The following TBK1 variants were observed in gnomAD, a reference collection of about 807,000 sequenced individuals.
TBK1 encodes TANK binding kinase 1.
A neutral mutation model predicts 99.9 loss-of-function variants in TBK1; 37 were observed. The observed-to-expected ratio is 0.37, with a 90% CI of 0.28 to 0.49. The LOEUF is 0.49. TBK1 is among the 20% of genes least tolerant of loss of function. The pLI is 0.98. For synonymous variants in TBK1, 258 were observed against 279.8 expected (o/e 0.92, Z 0.78); for missense variants, 644 against 872.5 (o/e 0.74, Z 3.30).
At chr12:64,455,177 G>C (rs1327696606) in intron 1 of TBK1, among the ~76,000 whole-genome samples, 2 of 151,448 alleles carry the variant, frequency 1.3e-5, no homozygotes, top group Non-Finnish European at 2.9e-5. Flanking sequence ...GTGGAGACGG[G>C]GTTTTGCCGT....
At chr12:64,468,493 A>G (rs936172974) in intron 5 of TBK1, among the ~76,000 whole-genome samples, 4 of 143,908 alleles carry the variant, frequency 2.8e-5, no homozygotes, top group Non-Finnish European at 4.6e-5. Context: ...TCCGTCTCAG[A>G]AAAAAAAAAA....
chr12:64,471,136 G>A (rs1192189480), intron 5 of TBK1, among the ~76,000 whole-genome samples: 2 of 152,034 alleles, frequency 1.3e-5, no homozygotes, highest in African/African-American at 4.8e-5. Flanking sequence ...GTATGTTAAA[G>A]TCCAAAGAAA....
intron 5 of TBK1, among the ~76,000 whole-genome samples, chr12:64,473,768 C>A (rs539734497): frequency 6.6e-6 from 1 of 152,072 alleles, no homozygotes; most frequent in Non-Finnish European, 1.5e-5. Context: ...GAAACCCTGT[C>A]TCTACTAAAA....
chr12:64,468,015 C>T lies in TBK1; in HGVS notation c.540+933C>T, dbSNP rs138244056. On this transcript the variant is annotated intron_variant, in intron 5 of 20. Coordinates refer to ENST00000331710, the MANE Select transcript of TBK1 (RefSeq NM_013254.4). ...CCAGTCTGGGCACAATGACAAGACC[C>T]CATCTCTGCAAAAAATTACAAAATT... Among the ~76,000 whole-genome samples, 477 of 151,948 alleles carry T rather than the reference C, an allele frequency of 3.1e-3. 5 individuals are homozygous for T. The highest frequency in any genetic ancestry group is 0.011 in the African/African-American group (457 of 41,452).
chr12:64,476,759 A>T (rs532002596), intron 6 of TBK1, among the ~76,000 whole-genome samples: 4 of 152,244 alleles, frequency 2.6e-5, no homozygotes, highest in Admixed American at 2.6e-4. Context: ...CAATGTATAG[A>T]AGAGTATGTC....
intron 13 of TBK1, among the ~76,000 whole-genome samples, chr12:64,493,117 A>G (rs1395885238): frequency 6.6e-6 from 1 of 151,250 alleles, no homozygotes; most frequent in Non-Finnish European, 1.5e-5. Flanking sequence ...GATGGTCTCA[A>G]TCTCCTGACC....
At chr12:64,472,718 G>A (rs1277875353) in intron 5 of TBK1, among the ~76,000 whole-genome samples, 2 of 151,966 alleles carry the variant, frequency 1.3e-5, no homozygotes, top group African/African-American at 4.8e-5. Flanking sequence ...AATTGTCTTG[G>A]GCCACATATA....
intron 4 of TBK1, among the ~76,000 whole-genome samples, chr12:64,464,777 G>A (rs1304326509): frequency 6.6e-6 from 1 of 152,008 alleles, no homozygotes; most frequent in East Asian, 1.9e-4. Flanking sequence ...TTAAAAATGG[G>A]CAAAGGATTC....
chr12:64,461,659 A>C (rs992822682), intron 3 of TBK1, among the ~76,000 whole-genome samples: 2 of 152,172 alleles, frequency 1.3e-5, no homozygotes, highest in Non-Finnish European at 2.9e-5. Flanking sequence ...GACTTTTGAT[A>C]CCAATTGCAA....
chr12:64,471,432 A>G (rs1394969648), intron 5 of TBK1, among the ~76,000 whole-genome samples: 1 of 152,066 alleles, frequency 6.6e-6, no homozygotes, highest in Non-Finnish European at 1.5e-5. Flanking sequence ...AGCTCACTGC[A>G]ACCTCCACCT....
chr12:64,452,666 A>ATT (rs1171419294), intron 1 of TBK1: 1 of 152,230 alleles, frequency 6.6e-6, no homozygotes, highest in African/African-American at 2.4e-5. Context: ...GATTAAAAAG[A>ATT]GACGTTTCCT....
At chr12:64,460,056 A>G (rs1036267831) in intron 2 of TBK1, 133 bp from the exon 3 acceptor site, 1 of 523,880 alleles carries the variant, frequency 1.9e-6, no homozygotes, top group African/African-American at 2.0e-5. Flanking sequence ...AAGTCCTCAT[A>G]CAGATTCCCT....
chr12:64,482,097 A>G, intron 8 of TBK1, 76 bp downstream of exon 8: 1 of 1,046,012 alleles, frequency 9.6e-7, no homozygotes, highest in Non-Finnish European at 1.3e-6. Flanking sequence ...AAAGAAATAG[A>G]AAAGATGCCT....
intron 13 of TBK1, among the ~76,000 whole-genome samples, chr12:64,491,945 G>C (rs2040873890): frequency 6.6e-6 from 1 of 152,132 alleles, no homozygotes; most frequent in African/African-American, 2.4e-5. Context: ...CTTTGATTCA[G>C]GTATATACAC....
rs991065789 is a variant in TBK1, at chr12:64,488,427, G to A, written c.1341-60G>A. On this transcript the variant is annotated intron_variant, in intron 11 of 20. Transcript: ENST00000331710. ...GAACTGTAGTACTGCAGTATAATTA[G>A]TGATAGATAGAAAAAATAACTCCTT... is the stretch of plus-strand genomic sequence containing the variant. 6.1e-6 allele frequency: 6 copies of A among 977,926 alleles called. No homozygotes were observed. In the African/African-American group the frequency reaches 1.0e-4, roughly 16 times the overall value. The allele number at this position is 977,926 out of a possible 1,614,324, so 60.6% of individuals were successfully genotyped here.
intron 18 of TBK1, 86 bp downstream of exon 18, chr12:64,497,345 G>T: frequency 9.9e-7 from 1 of 1,011,142 alleles, no homozygotes. Context: ...GATAGAATGT[G>T]CCTACATTCA....
chr12:64,464,022 C>G (rs2040577260), intron 3 of TBK1, among the ~76,000 whole-genome samples: 1 of 152,058 alleles, frequency 6.6e-6, no homozygotes, highest in South Asian at 2.1e-4. Context: ...TGCCACCACA[C>G]TCAGCTAATT....
intron 10 of TBK1, 38 bp from the exon 11 acceptor site, chr12:64,485,888 A>G (rs1383789778): frequency 2.0e-6 from 3 of 1,473,086 alleles, no homozygotes; most frequent in South Asian, 2.6e-5. Context: ...CCTATACCAC[A>G]ATTAGCACCA....
intron 13 of TBK1, among the ~76,000 whole-genome samples, chr12:64,493,244 T>C (rs991902126): frequency 4.6e-5 from 7 of 152,194 alleles, no homozygotes; most frequent in South Asian, 2.1e-4. Flanking sequence ...GTAAAATTTA[T>C]AAGTAGAAAA....
Sources: gnomAD v4.1 joint callset for allele counts (sites outside exome capture counted in the v4.1 genomes callset) on GRCh38, gnomAD v4.1.1 for gene constraint, MANE v1.5 for transcripts, NCBI Gene and HGNC (gene_info 2026-07-23, HGNC 2026-07-21) for gene names.